The following R3HCC1L variants were observed in gnomAD, a reference collection of about 807,000 sequenced individuals.
The protein encoded by R3HCC1L is coiled-coil domain-containing protein R3HCC1L.
Under a neutral mutation model 59.9 loss-of-function variants are expected in R3HCC1L, and 51 were observed. The ratio of observed to expected loss-of-function variants is 0.85; its 90% CI spans 0.68 to 1.07. R3HCC1L has a LOEUF of 1.07. Among genes scored for constraint, R3HCC1L ranks in the 50% least tolerant of loss-of-function variants. The probability of loss-of-function intolerance (pLI) is 0.00; values close to 1 mark genes in which losing one functional copy is unlikely to be tolerated. For synonymous variants in R3HCC1L, 322 were observed against 315.2 expected (o/e 1.02, Z -0.23); for missense variants, 965 against 933.0 (o/e 1.03, Z -0.45).
At chr10:98,145,967 A>G (rs1021359605) in intron 1 of R3HCC1L, among the ~76,000 whole-genome samples, 5 of 151,688 alleles carry the variant, frequency 3.3e-5, no homozygotes, top group African/African-American at 1.2e-4. Flanking sequence ...AAAGAAAACC[A>G]TTTTCATGAC....
intron 4 of R3HCC1L, among the ~76,000 whole-genome samples, chr10:98,186,741 T>C (rs1337363082): frequency 6.6e-6 from 1 of 152,184 alleles, no homozygotes; most frequent in Non-Finnish European, 1.5e-5. Context: ...AAAGTAGGCG[T>C]GAAGCTTATG....
chr10:98,160,250 G>C (rs1847275962), intron 2 of R3HCC1L, among the ~76,000 whole-genome samples: 4 of 152,204 alleles, frequency 2.6e-5, no homozygotes, highest in African/African-American at 9.7e-5. Flanking sequence ...CCTAAGGGCA[G>C]GTAGTCTAAA....
At chr10:98,239,039 G>A (rs957698217) in intron 9 of R3HCC1L, among the ~76,000 whole-genome samples, 3 of 152,176 alleles carry the variant, frequency 2.0e-5, no homozygotes, top group South Asian at 2.1e-4. Context: ...AACTAGCTGC[G>A]TGGCCATGGG....
chr10:98,139,689 C>T (rs1441536857), intron 1 of R3HCC1L, among the ~76,000 whole-genome samples: 1 of 152,154 alleles, frequency 6.6e-6, no homozygotes, highest in Non-Finnish European at 1.5e-5. Context: ...AGCAGTAAGC[C>T]TGCATTTGGA....
At chr10:98,205,712 AGT>A (rs1252975777) in intron 4 of R3HCC1L, among the ~76,000 whole-genome samples, 2 of 152,222 alleles carry the variant, frequency 1.3e-5, no homozygotes, top group Admixed American at 6.5e-5. Context: ...TATAGGAAAT[AGT>A]ATTACATGTG....
At chr10:98,205,315 C>T (rs1304969405) in intron 4 of R3HCC1L, among the ~76,000 whole-genome samples, 1 of 151,810 alleles carries the variant, frequency 6.6e-6, no homozygotes, top group Non-Finnish European at 1.5e-5. Context: ...ACAATGATAA[C>T]TAGAAATTAG....
At chr10:98,223,875 C>A (rs569369708) in intron 5 of R3HCC1L, among the ~76,000 whole-genome samples, 110 of 152,230 alleles carry the variant, frequency 7.2e-4, no homozygotes, top group Non-Finnish European at 1.4e-3. Context: ...TCAGCAGTGG[C>A]AGCAGTGTGC....
At chr10:98,160,575 T>G (rs1436074060) in intron 2 of R3HCC1L, among the ~76,000 whole-genome samples, 1 of 152,248 alleles carries the variant, frequency 6.6e-6, no homozygotes, top group Non-Finnish European at 1.5e-5. Context: ...ATTTTCCTTC[T>G]CTAACATTCT....
At chr10:98,169,174 CTT>C (rs1418997805) in intron 4 of R3HCC1L, among the ~76,000 whole-genome samples, 2 of 152,100 alleles carry the variant, frequency 1.3e-5, no homozygotes, top group African/African-American at 4.8e-5. Flanking sequence ...CGGCAGCAGT[CTT>C]TGAACTCTTT....
Position 98,209,004 on chromosome 10 carries a change from G to A in R3HCC1L, c.890G>A (p.Gly297Asp). 6.2e-7 allele frequency: 1 copy of A among 1,613,962 alleles called. No homozygotes were observed. Among genetic ancestry groups the A allele is most frequent in the Non-Finnish European group, 8.5e-7 (1 of 1,179,894 alleles). ...ESVGGIANST[G>D]FILDQKDTDS... is the part of the protein sequence containing the mutation. ...GTAGGTGGTATAGCCAATAGTACAG[G>A]TTTCATCTTAGATCAAAAAGATACA... The change falls in exon 5 of 10, where the codon GGT (glycine) becomes GAT (aspartate). Residue 297 changes from glycine (G) to aspartate (D), a missense_variant. Coordinates refer to ENST00000298999, the MANE Select transcript of R3HCC1L (RefSeq NM_001351015.2).
intron 1 of R3HCC1L, among the ~76,000 whole-genome samples, chr10:98,152,297 T>C (rs538332761): frequency 3.7e-4 from 57 of 152,242 alleles, no homozygotes; most frequent in African/African-American, 1.4e-3. Flanking sequence ...CCATCTCGGC[T>C]AGCTACGACC....
At chr10:98,159,058 G>A (rs1194110499) in intron 2 of R3HCC1L, among the ~76,000 whole-genome samples, 2 of 152,076 alleles carry the variant, frequency 1.3e-5, no homozygotes, top group Admixed American at 1.3e-4. Flanking sequence ...CTCTTGCCTT[G>A]GCCTTCCAAA....
At chr10:98,233,791 T>C (rs1856636277) in intron 6 of R3HCC1L, among the ~76,000 whole-genome samples, 2 of 152,214 alleles carry the variant, frequency 1.3e-5, no homozygotes, top group South Asian at 4.1e-4. Flanking sequence ...ATTTCTCTTA[T>C]CATGATTCCT....
chr10:98,135,231 G>T (rs1259717851), intron 1 of R3HCC1L, among the ~76,000 whole-genome samples: 2 of 152,198 alleles, frequency 1.3e-5, no homozygotes, highest in Non-Finnish European at 2.9e-5. Context: ...AAAACCCCAA[G>T]TCCGATCTTT....
intron 6 of R3HCC1L, among the ~76,000 whole-genome samples, chr10:98,233,177 T>G (rs1015427489): frequency 6.6e-6 from 1 of 152,160 alleles, no homozygotes; most frequent in African/African-American, 2.4e-5. Context: ...TTCTTAAAAC[T>G]AAGGATCATT....
chr10:98,147,600 A>C (rs1380303971), intron 1 of R3HCC1L, among the ~76,000 whole-genome samples: 1 of 152,148 alleles, frequency 6.6e-6, no homozygotes, highest in Non-Finnish European at 1.5e-5. Flanking sequence ...AGTGAAACAT[A>C]GGTCCTAGTT....
chr10:98,238,631 A>G (rs1857207928), intron 9 of R3HCC1L, among the ~76,000 whole-genome samples: 1 of 152,158 alleles, frequency 6.6e-6, no homozygotes, highest in Admixed American at 6.5e-5. Flanking sequence ...CCAGCTGGTA[A>G]ACTGAAAGAG....
intron 4 of R3HCC1L, chr10:98,174,707 G>A (rs1371994834): frequency 1.0e-6 from 1 of 984,208 alleles, no homozygotes; most frequent in East Asian, 1.1e-4. Flanking sequence ...GTCTGAGAAT[G>A]ATAGAAGTAT....
intron 4 of R3HCC1L, among the ~76,000 whole-genome samples, chr10:98,172,912 C>A (rs1472254816): frequency 6.6e-6 from 1 of 152,074 alleles, no homozygotes; most frequent in Non-Finnish European, 1.5e-5. Context: ...GTTGAGCAGA[C>A]CCTTTCGGTG....
Sources: gnomAD v4.1 joint callset for allele counts (sites outside exome capture counted in the v4.1 genomes callset) on GRCh38, gnomAD v4.1.1 for gene constraint, MANE v1.5 for transcripts, NCBI Gene and HGNC (gene_info 2026-07-23, HGNC 2026-07-21) for gene names.